The following KCNMA1 variants were observed in gnomAD, a reference collection of about 807,000 sequenced individuals.
The protein encoded by KCNMA1 is Calcium-activated potassium channel subunit alpha-1.
A neutral mutation model predicts 140.0 loss-of-function variants in KCNMA1; 29 were observed. The ratio of observed to expected loss-of-function variants is 0.21; its 90% CI spans 0.15 to 0.28. The LOEUF (loss-of-function observed/expected upper bound fraction) is 0.28. Ranked by LOEUF, KCNMA1 falls within the 10% of genes least tolerant of loss-of-function variation. KCNMA1 has a pLI of 1.00. For missense variants in KCNMA1, 880 were observed against 1,602.2 expected, an observed-to-expected ratio of 0.55 and a Z score of 7.70; for synonymous variants, 612 against 611.9, an observed-to-expected ratio of 1.00 and a Z score of 0.00.
intron 1 of KCNMA1, among the ~76,000 whole-genome samples, chr10:77,624,111 G>A (rs1172464364): frequency 6.6e-6 from 1 of 152,148 alleles, no homozygotes; most frequent in Non-Finnish European, 1.5e-5. Flanking sequence ...TTCGGCAGCT[G>A]GAATGCTCCG....
At chr10:77,531,354 A>G (rs751168098) in intron 1 of KCNMA1, among the ~76,000 whole-genome samples, 8 of 152,254 alleles carry the variant, frequency 5.3e-5, no homozygotes, top group Non-Finnish European at 1.0e-4. Flanking sequence ...TCATCTATGC[A>G]TAAACAAAGC....
At chr10:77,637,234 G>A (rs200921325) in intron 1 of KCNMA1, 31 bp downstream of exon 1, 16 of 1,566,608 alleles carry the variant, frequency 1.0e-5, no homozygotes, top group Admixed American at 1.8e-5. Context: ...TGGGGCTGGC[G>A]CAGAGGGCGG....
intron 1 of KCNMA1, among the ~76,000 whole-genome samples, chr10:77,427,764 T>G (rs1041612391): frequency 1.3e-5 from 2 of 148,642 alleles, no homozygotes; most frequent in South Asian, 2.1e-4. Context: ...TTTATTTATT[T>G]ATTGAGATGG....
At chr10:77,100,943 A>T (rs1476357955) in intron 9 of KCNMA1, among the ~76,000 whole-genome samples, 2 of 152,148 alleles carry the variant, frequency 1.3e-5, no homozygotes, top group African/African-American at 4.8e-5. Flanking sequence ...TCTCCCACCT[A>T]CATTTCTATT....
At chr10:77,547,290 C>T (rs924643386) in intron 1 of KCNMA1, among the ~76,000 whole-genome samples, 3 of 152,236 alleles carry the variant, frequency 2.0e-5, no homozygotes, top group African/African-American at 4.8e-5. Context: ...TGCCTCCCCA[C>T]AGGGCTGCAA....
chr10:77,567,974 G>A (rs1050566902), intron 1 of KCNMA1, among the ~76,000 whole-genome samples: 2 of 152,142 alleles, frequency 1.3e-5, no homozygotes, highest in Non-Finnish European at 2.9e-5. Flanking sequence ...AAATAAACTA[G>A]AAAATCTAGA....
chr10:77,357,294 G>C (rs901881026), intron 2 of KCNMA1, among the ~76,000 whole-genome samples: 1 of 152,212 alleles, frequency 6.6e-6, no homozygotes, highest in Non-Finnish European at 1.5e-5. Context: ...GATACATGCA[G>C]TTCCTCAGGT....
At chr10:77,459,977 G>C (rs1166827910) in intron 1 of KCNMA1, among the ~76,000 whole-genome samples, 1 of 152,200 alleles carries the variant, frequency 6.6e-6, no homozygotes, top group Non-Finnish European at 1.5e-5. Context: ...TTTCCATAAA[G>C]AGCCAGATAG....
rs150980548 is a variant in KCNMA1 at position 77,636,191 on chromosome 10, TCA to T, written c.378+1072_378+1073del. On this transcript the variant is annotated intron_variant, in intron 1 of 27. Transcript: ENST00000286628. ...ATTACTCAGAAAGAAGGCAGCTGGC[TCA>T]CTCTCTTTTTTCCAGTTCTTTCTTT... The T allele has an allele frequency of 3.1e-4, 440 of 1,424,074 alleles. No individual in the cohort carries two copies. The African/African-American group carries it at 5.7e-3, about 19-fold the overall frequency. The allele number at this position is 1,424,074 out of a possible 1,614,324, so 88.2% of individuals were successfully genotyped here. A position where few individuals can be genotyped will look rare whatever the true frequency, so the allele number is the denominator to read the frequency against.
chr10:77,331,043 T>C (rs2086199881), intron 2 of KCNMA1, among the ~76,000 whole-genome samples: 1 of 152,074 alleles, frequency 6.6e-6, no homozygotes, highest in Admixed American at 6.5e-5. Flanking sequence ...GAATCTAAAC[T>C]AAGGAGGCCA....
intron 2 of KCNMA1, among the ~76,000 whole-genome samples, chr10:77,353,447 A>C (rs80098713): frequency 0.016 from 2,392 of 152,226 alleles, 54 homozygotes; most frequent in African/African-American, 0.054. Context: ...ATAATAGCTA[A>C]GATTTATTCA....
chr10:77,247,745 T>C (rs1432437938), intron 3 of KCNMA1, among the ~76,000 whole-genome samples: 3 of 152,138 alleles, frequency 2.0e-5, no homozygotes, highest in African/African-American at 7.2e-5. Context: ...TCTGTGCTTG[T>C]TAAGGCACTA....
At chr10:77,563,501 C>A (rs1466652083) in intron 1 of KCNMA1, among the ~76,000 whole-genome samples, 1 of 152,114 alleles carries the variant, frequency 6.6e-6, no homozygotes, top group Non-Finnish European at 1.5e-5. Context: ...TCCTGACTGC[C>A]CTCTGTCCCC....
intron 1 of KCNMA1, among the ~76,000 whole-genome samples, chr10:77,482,342 A>G (rs1341826914): frequency 6.6e-6 from 1 of 152,220 alleles, no homozygotes; most frequent in East Asian, 1.9e-4. Context: ...GACACTTTGT[A>G]AGTTTGCAAG....
At chr10:77,514,542 G>T (rs958552329) in intron 1 of KCNMA1, among the ~76,000 whole-genome samples, 2 of 152,134 alleles carry the variant, frequency 1.3e-5, no homozygotes, top group African/African-American at 4.8e-5. Context: ...CTCCCAGCTG[G>T]CCCCCAGGCT....
At position 77,462,481 on chromosome 10, in the gene KCNMA1, G is replaced by A. The variant is rs375335138; in HGVS notation, c.379-58458C>T. ...CACAGACATGTAAACATACATACAC[G>A]TAAACATACACACATCTATAGATGC... On this transcript the variant is annotated intron_variant, in intron 1 of 27. Transcript: ENST00000286628. Among the ~76,000 whole-genome samples, 38 of 152,166 alleles carry A rather than the reference G, an allele frequency of 2.5e-4. 1 individual carries two copies. Among genetic ancestry groups the A allele is most frequent in the Admixed American group, 1.6e-3 (24 of 15,294 alleles).
intron 5 of KCNMA1, among the ~76,000 whole-genome samples, chr10:77,177,382 C>T (rs1297029023): frequency 2.0e-5 from 3 of 148,118 alleles, no homozygotes; most frequent in Non-Finnish European, 3.0e-5. Flanking sequence ...TTCCTTCCTT[C>T]ACTTTCTTCC....
At chr10:77,353,166 G>A (rs1284255769) in intron 2 of KCNMA1, among the ~76,000 whole-genome samples, 1 of 152,158 alleles carries the variant, frequency 6.6e-6, no homozygotes, top group Non-Finnish European at 1.5e-5. Context: ...TTAGAATGGG[G>A]GAAGAGAGGA....
In KCNMA1 at chr10:77,593,916, G is replaced by A. The variant is rs1438366836; in HGVS notation, c.378+43349C>T. 3.3e-5 allele frequency among the ~76,000 whole-genome samples: 5 copies of A among 152,174 alleles called. No individual in the cohort carries two copies. In the East Asian group the frequency reaches 5.8e-4, roughly 18 times the overall value. ...ATTGTGCCCAGAGCTGCCTTGGCTC[G>A]GTCCATCCATTGGGCTCCTGGGAGC... On this transcript the variant is annotated intron_variant, in intron 1 of 27. Transcript: ENST00000286628.
Sources: allele counts gnomAD v4.1 joint callset (sites outside exome capture counted in the v4.1 genomes callset), GRCh38; gene constraint gnomAD v4.1.1; transcripts MANE v1.5; gene names NCBI Gene and HGNC (gene_info 2026-07-23, HGNC 2026-07-21).